The following TASOR2 variants were observed in gnomAD, a reference collection of about 807,000 sequenced individuals.
TASOR2 encodes protein TASOR 2.
In TASOR2, 84 loss-of-function variants were observed where a neutral mutation model predicts 199.5. The ratio of observed to expected loss-of-function variants is 0.42; its 90% CI spans 0.35 to 0.50. The LOEUF (loss-of-function observed/expected upper bound fraction) is 0.50, where lower values mean the gene tolerates loss of function less well. Ranked by LOEUF, TASOR2 falls within the 20% of genes least tolerant of loss-of-function variation. The probability of loss-of-function intolerance (pLI) is 0.02; values close to 1 mark genes in which losing one functional copy is unlikely to be tolerated. For missense variants in TASOR2, 2,796 were observed against 2,835.9 expected (o/e 0.99, Z 0.32); for synonymous variants, 1,103 against 1,046.6 (o/e 1.05, Z -1.04).
At chr10:5,727,868 C>T (rs1254805095) in intron 10 of TASOR2, among the ~76,000 whole-genome samples, 1 of 152,136 alleles carries the variant, frequency 6.6e-6, no homozygotes, top group South Asian at 2.1e-4. Context: ...TCTACTGTAT[C>T]CCTAGTGCCT....
At chr10:5,718,716 G>A (rs1411536590) in intron 3 of TASOR2, among the ~76,000 whole-genome samples, 5 of 149,416 alleles carry the variant, frequency 3.3e-5, no homozygotes, top group South Asian at 2.1e-4. Flanking sequence ...CCAAGATCAC[G>A]CCACTGCACT....
At chr10:5,725,708 G>T (rs1211212155) in intron 8 of TASOR2, among the ~76,000 whole-genome samples, 1 of 152,148 alleles carries the variant, frequency 6.6e-6, no homozygotes, top group Non-Finnish European at 1.5e-5. Flanking sequence ...TTGAGCCTGG[G>T]AGTTCAAGGA....
intron 14 of TASOR2, among the ~76,000 whole-genome samples, chr10:5,743,220 C>T (rs1182402964): frequency 2.0e-5 from 3 of 152,200 alleles, no homozygotes; most frequent in African/African-American, 7.2e-5. Context: ...GTTTGGGCAG[C>T]ATCTCTGATT....
chr10:5,733,889 T>C (rs1005724481), intron 11 of TASOR2, among the ~76,000 whole-genome samples: 1 of 152,210 alleles, frequency 6.6e-6, no homozygotes, highest in Non-Finnish European at 1.5e-5. Context: ...CTTATTAATA[T>C]AATAATTTGG....
intron 11 of TASOR2, among the ~76,000 whole-genome samples, chr10:5,734,703 A>G (rs1276994934): frequency 6.8e-6 from 1 of 147,850 alleles, no homozygotes; most frequent in African/African-American, 2.5e-5. Context: ...ATTAGTCAGG[A>G]AAGGTTATGA....
rs569329992 is a variant in TASOR2 at position 5,699,081 on chromosome 10, A to G, written c.-287-13742A>G. On this transcript the variant is annotated intron_variant, in intron 1 of 20. Coordinates refer to ENST00000328090, the Ensembl canonical transcript of TASOR2. The surrounding 1 kb of genome is among the most constrained non-coding windows in gnomAD (Gnocchi z 4.1). Reference sequence around the variant, plus strand: ...TAGCCAAAATGTAGAAACAACCCAAATGTGCATCAGTTGATGGATAAACAA... The same window carrying G: ...TAGCCAAAATGTAGAAACAACCCAAGTGTGCATCAGTTGATGGATAAACAA... 6.6e-6 allele frequency among the ~76,000 whole-genome samples: 1 copy of G among 152,226 alleles called. No individual in the cohort carries two copies. Among genetic ancestry groups the G allele is most frequent in the Non-Finnish European group, 1.5e-5 (1 of 68,034 alleles).
chr10:5,687,837 C>T lies in TASOR2; in HGVS notation c.-288+2662C>T, dbSNP rs1835964667. Among the ~76,000 whole-genome samples the T allele has an allele frequency of 6.6e-6, 1 of 152,064 alleles. No homozygotes were observed. The highest frequency in any genetic ancestry group is 1.5e-5 in the Non-Finnish European group (1 of 68,020). On this transcript the variant is annotated intron_variant, in intron 1 of 20. Transcript: ENST00000328090. This position sits in a 1 kb window ranked among gnomAD's most constrained non-coding sequence, Gnocchi z 4.8. ...CGTCTCAAAAGACTGCTGAAGATCC[C>T]AAAGATCTTTTGTTTATTGGATTAT...
Position 5,740,411 on chromosome 10 carries a change from C to G in TASOR2, c.2241C>G (p.Phe747Leu). ...GTGATGACTCCGTTAAGATCACTTT[C>G]AAATGTGAAACAGAATATGCATTCA... Residue 747 changes from phenylalanine to leucine, a missense_variant, in exon 13 of 21, where the codon TTC becomes TTG. Around this residue, in one of 3 missense-constraint regions of TASOR2, gnomAD observed 847 missense variants for 887.4 expected, o/e 0.95. Coordinates refer to ENST00000328090, the Ensembl canonical transcript of TASOR2. The surrounding 1 kb of genome is among the most constrained non-coding windows in gnomAD (Gnocchi z 5.3). 1 of 1,614,148 alleles carries G rather than the reference C, an allele frequency of 6.2e-7. No homozygotes were observed. Among genetic ancestry groups the G allele is most frequent in the South Asian group, 1.1e-5 (1 of 91,066 alleles).
At chr10:5,714,740 G>A (rs1832394916) in intron 2 of TASOR2, among the ~76,000 whole-genome samples, 1 of 152,216 alleles carries the variant, frequency 6.6e-6, no homozygotes, top group African/African-American at 2.4e-5. Flanking sequence ...AGGATTCAGT[G>A]AGACTGGAAA....
At chr10:5,762,956 A>G (rs1193564431) in intron 20 of TASOR2, 73 bp from the exon 22 acceptor site, 6 of 1,437,970 alleles carry the variant, frequency 4.2e-6, no homozygotes, top group Non-Finnish European at 5.8e-6. Flanking sequence ...TCCCCATTAG[A>G]GCATCCCGCT....
chr10:5,720,158 G>T lies in TASOR2; in HGVS notation c.-99-386G>T. The T allele has an allele frequency of 1.0e-5, 5 of 492,772 alleles. No individual in the cohort carries two copies. The highest frequency in any genetic ancestry group is 1.3e-5 in the Non-Finnish European group (5 of 380,106). 30.5% of individuals were successfully genotyped at this position (492,772 alleles called of 1,614,324 possible). Reference sequence around the variant, plus strand: ...GTTCTTAATACAGTTACTGTTAGGGGACACATATCTGCATCCTTGTTAGAC... The same window carrying T: ...GTTCTTAATACAGTTACTGTTAGGGTACACATATCTGCATCCTTGTTAGAC... On this transcript the variant is annotated intron_variant, in intron 3 of 20. Coordinates refer to ENST00000328090, the Ensembl canonical transcript of TASOR2. The surrounding 1 kb of genome is among the most constrained non-coding windows in gnomAD (Gnocchi z 5.3).
chr10:5,733,117 T>C (rs1396870453), intron 11 of TASOR2, among the ~76,000 whole-genome samples: 2 of 152,216 alleles, frequency 1.3e-5, no homozygotes, highest in South Asian at 2.1e-4. Context: ...ATGTTTGATA[T>C]TATATTCCGG....
At chr10:5,761,320 A>G in exon 19 of TASOR2, 1 of 1,613,864 alleles carries the variant, frequency 6.2e-7, no homozygotes, top group Non-Finnish European at 8.5e-7. Context: ...AGAAGAACAT[A>G]ATGTTGAAGT....
At chr10:5,721,299 G>A (rs79810326) in intron 6 of TASOR2, among the ~76,000 whole-genome samples, 3,736 of 152,190 alleles carry the variant, frequency 0.025, 59 homozygotes, top group South Asian at 0.037. Flanking sequence ...ATTAACATTT[G>A]CAGTATCTGA....
At chr10:5,717,047 A>G (rs1356282532) in intron 2 of TASOR2, among the ~76,000 whole-genome samples, 1 of 130,626 alleles carries the variant, frequency 7.7e-6, no homozygotes, top group Non-Finnish European at 1.6e-5. Context: ...AAAAAAAAAG[A>G]CGTTTTCCTA....
At chr10:5,693,188 C>T (rs1836686336) in intron 1 of TASOR2, among the ~76,000 whole-genome samples, 1 of 152,196 alleles carries the variant, frequency 6.6e-6, no homozygotes, top group Admixed American at 6.5e-5. Flanking sequence ...CTTAACTTCA[C>T]TCCTGATTGT....
chr10:5,735,560 T>C lies in TASOR2; in HGVS notation c.1447+14T>C. 1 of 1,609,930 alleles carries C rather than the reference T, an allele frequency of 6.2e-7. No individual in the cohort carries two copies. Among genetic ancestry groups the C allele is most frequent in the Non-Finnish European group, 8.5e-7 (1 of 1,178,884 alleles). ...AGCTACAACCTGGTAAGAAATACTC[T>C]TCCTATAAATTTAAACACCCCAATA... On this transcript the variant is annotated intron_variant, in intron 12 of 20. Transcript: ENST00000328090.
At chr10:5,762,928 T>C in intron 20 of TASOR2, 101 bp from the exon 22 acceptor site, 1 of 1,084,638 alleles carries the variant, frequency 9.2e-7, no homozygotes, top group East Asian at 2.6e-5. Context: ...AATGTAACCT[T>C]AGAATGCATA....
chr10:5,728,918 TA>T (rs1292556955), intron 10 of TASOR2, among the ~76,000 whole-genome samples: 25 of 151,104 alleles, frequency 1.7e-4, no homozygotes, highest in South Asian at 6.3e-4. Flanking sequence ...CATTTTATTT[TA>T]TTTTTGTTTT....
Sources: gnomAD v4.1 joint callset for allele counts (sites outside exome capture counted in the v4.1 genomes callset) on GRCh38, gnomAD v4.1.1 for gene constraint, gnomAD v4.1.1 regional missense constraint, Gnocchi (gnomAD v3.1) non-coding constraint, MANE v1.5 for transcripts, NCBI Gene and HGNC (gene_info 2026-07-23, HGNC 2026-07-21) for gene names.